The following PLCXD3 variants were observed in gnomAD, a reference collection of about 807,000 sequenced individuals.
PLCXD3 encodes the protein PI-PLC X domain-containing protein 3.
PLCXD3 carries 19 observed loss-of-function variants against 25.5 expected under a neutral mutation model. The ratio of observed to expected loss-of-function variants is 0.75; its 90% CI spans 0.52 to 1.09. The LOEUF is 1.09. Ranked by LOEUF, PLCXD3 falls within the 50% of genes least tolerant of loss-of-function variation. The pLI is 0.00. For synonymous variants in PLCXD3, 174 were observed against 137.6 expected, an observed-to-expected ratio of 1.26 and a Z score of -1.85; for missense variants, 411 against 388.1, an observed-to-expected ratio of 1.06 and a Z score of -0.50.
chr5:41,480,383 T>C (rs1023147785), intron 1 of PLCXD3, among the ~76,000 whole-genome samples: 1 of 148,952 alleles, frequency 6.7e-6, no homozygotes, highest in African/African-American at 2.5e-5. Context: ...CTTGTAGCTG[T>C]AACAAAGTTG....
At chr5:41,489,305 C>A (rs1300160675) in intron 1 of PLCXD3, among the ~76,000 whole-genome samples, 1 of 152,094 alleles carries the variant, frequency 6.6e-6, no homozygotes, top group Non-Finnish European at 1.5e-5. Flanking sequence ...GTTTTGGTAC[C>A]AGTACCATGC....
chr5:41,505,039 A>G (rs987358545), intron 1 of PLCXD3, among the ~76,000 whole-genome samples: 2 of 152,152 alleles, frequency 1.3e-5, no homozygotes, highest in African/African-American at 4.8e-5. Context: ...ATGGCACTCA[A>G]CAGTTTTCAT....
At chr5:41,464,878 C>A (rs938208034) in intron 1 of PLCXD3, among the ~76,000 whole-genome samples, 1 of 151,918 alleles carries the variant, frequency 6.6e-6, no homozygotes, top group African/African-American at 2.4e-5. Context: ...TCCATTTCAT[C>A]ATTCCTTCTT....
chr5:41,341,960 A>G (rs908427151), intron 2 of PLCXD3, among the ~76,000 whole-genome samples: 4 of 152,178 alleles, frequency 2.6e-5, no homozygotes, highest in African/African-American at 9.6e-5. Flanking sequence ...TCCACCATCT[A>G]CAAGAAGGCT....
intron 1 of PLCXD3, among the ~76,000 whole-genome samples, chr5:41,384,106 A>G (rs1340829648): frequency 6.6e-6 from 1 of 152,122 alleles, no homozygotes; most frequent in East Asian, 1.9e-4. Flanking sequence ...TTCAAAAACT[A>G]TAAAAGATAA....
intron 2 of PLCXD3, among the ~76,000 whole-genome samples, chr5:41,366,661 C>T (rs775478216): frequency 1.7e-4 from 26 of 152,268 alleles, no homozygotes; most frequent in African/African-American, 5.3e-4. Flanking sequence ...CTTTTGATTC[C>T]GAACTTTTAA....
intron 2 of PLCXD3, among the ~76,000 whole-genome samples, chr5:41,374,945 C>T (rs1221954772): frequency 6.6e-6 from 1 of 151,992 alleles, no homozygotes; most frequent in Non-Finnish European, 1.5e-5. Flanking sequence ...TGAGTCTCAA[C>T]CTCTAAGTGA....
chr5:41,397,886 C>T (rs2150498635), intron 1 of PLCXD3, among the ~76,000 whole-genome samples: 1 of 152,324 alleles, frequency 6.6e-6, no homozygotes, highest in East Asian at 1.9e-4. Flanking sequence ...TGCATGGGTC[C>T]TGTAACCCCT....
chr5:41,466,965 CACTT>C (rs777816139), intron 1 of PLCXD3, among the ~76,000 whole-genome samples: 21 of 152,162 alleles, frequency 1.4e-4, no homozygotes, highest in Non-Finnish European at 2.9e-4. Context: ...CATTGATAGA[CACTT>C]AGGTTGATTC....
At chr5:41,398,329 C>A (rs938826166) in intron 1 of PLCXD3, among the ~76,000 whole-genome samples, 3 of 152,208 alleles carry the variant, frequency 2.0e-5, no homozygotes, top group African/African-American at 7.2e-5. Context: ...GTAGAACTTT[C>A]CTGTTTCCTC....
rs1163376408 is a variant in PLCXD3, at chr5:41,313,632, T to G, written c.951A>C (p.Gly317=). ...VIKLNYVFDE[G]EANT The stretch of plus-strand genomic sequence containing the variant: ...AGTAGTGCTATCAAGTGTTGGCTTC[T>G]CCTTCATCAAAGACATAGTTGAGCT... Residue 317 remains glycine, a synonymous_variant, in exon 3 of 3, where the codon GGA becomes GGC. Transcript: ENST00000377801. The G allele has an allele frequency of 9.9e-6, 16 of 1,613,726 alleles. No individual in the cohort carries two copies. Among genetic ancestry groups the G allele is most frequent in the African/African-American group, 1.3e-5 (1 of 74,886 alleles).
At chr5:41,455,461 G>A (rs1371091685) in intron 1 of PLCXD3, among the ~76,000 whole-genome samples, 1 of 151,854 alleles carries the variant, frequency 6.6e-6, no homozygotes, top group African/African-American at 2.4e-5. Context: ...GAGGGATGAT[G>A]GGGTCAGATA....
At chr5:41,324,893 T>G (rs1256087996) in intron 2 of PLCXD3, among the ~76,000 whole-genome samples, 1 of 152,194 alleles carries the variant, frequency 6.6e-6, no homozygotes, top group Non-Finnish European at 1.5e-5. Flanking sequence ...CCAGTATTGA[T>G]TCTGTGTTGG....
chr5:41,492,931 G>T (rs554289958), intron 1 of PLCXD3, among the ~76,000 whole-genome samples: 1 of 152,222 alleles, frequency 6.6e-6, no homozygotes, highest in Non-Finnish European at 1.5e-5. Flanking sequence ...CTCTCAACTC[G>T]TCAAAGTCAT....
intron 1 of PLCXD3, among the ~76,000 whole-genome samples, chr5:41,492,474 G>A (rs1188987885): frequency 3.3e-5 from 5 of 152,090 alleles, no homozygotes; most frequent in Non-Finnish European, 5.9e-5. Context: ...GAATCTGAAT[G>A]TTGGCCTGCC....
At chr5:41,355,372 T>C (rs887813120) in intron 2 of PLCXD3, among the ~76,000 whole-genome samples, 4 of 152,240 alleles carry the variant, frequency 2.6e-5, no homozygotes, top group African/African-American at 4.8e-5. Flanking sequence ...AGAATAGAGA[T>C]AATGCATTCC....
intron 1 of PLCXD3, among the ~76,000 whole-genome samples, chr5:41,440,215 A>ATTTTTTTTTTTTTTTTTTTTTTTTTTTTT (rs70988846): frequency 9.7e-5 from 4 of 41,080 alleles, no homozygotes; most frequent in African/African-American, 2.1e-4. Context: ...TAATCTCTCA[A>ATTTTTTTTTTTTTTTTTTTTTTTTTTTTT]TTTTTTTTTT....
intron 2 of PLCXD3, among the ~76,000 whole-genome samples, chr5:41,361,201 G>A (rs139148285): frequency 6.6e-6 from 1 of 152,196 alleles, no homozygotes; most frequent in African/African-American, 2.4e-5. Context: ...GCAGTCACAG[G>A]CCTCACCCCA....
At chr5:41,404,849 GC>G (rs1458394148) in intron 1 of PLCXD3, among the ~76,000 whole-genome samples, 6 of 152,080 alleles carry the variant, frequency 3.9e-5, no homozygotes, top group Non-Finnish European at 7.4e-5. Flanking sequence ...GACCAAGAAG[GC>G]CCCAGTGTGC....
Sources: gnomAD v4.1 joint callset for allele counts (sites outside exome capture counted in the v4.1 genomes callset) on GRCh38, gnomAD v4.1.1 for gene constraint, MANE v1.5 for transcripts, NCBI Gene and HGNC (gene_info 2026-07-23, HGNC 2026-07-21) for gene names.